Variants in TAFA4 observed in about 807,000 individuals in gnomAD.
TAFA4 encodes TAFA chemokine like family member 4.
Under a neutral mutation model 21.1 loss-of-function variants are expected in TAFA4, and 20 were observed. That is an observed-to-expected ratio of 0.95 (90% CI 0.67 to 1.38). TAFA4 has a LOEUF of 1.38. Among genes scored for constraint, TAFA4 ranks in the 40% most tolerant of loss-of-function variants. TAFA4 has a pLI of 0.00. For missense variants in TAFA4, 211 were observed against 180.9 expected (o/e 1.17, Z -0.95); for synonymous variants, 71 against 67.4 (o/e 1.05, Z -0.26).
intron 1 of TAFA4, among the ~76,000 whole-genome samples, chr3:68,905,261 C>T (rs1473206849): frequency 6.6e-6 from 1 of 150,682 alleles, no homozygotes; most frequent in Non-Finnish European, 1.5e-5. Context: ...CTCCTGCCTC[C>T]CAGGTTAAAG....
intron 3 of TAFA4, among the ~76,000 whole-genome samples, chr3:68,867,205 G>A (rs1224559657): frequency 1.3e-5 from 2 of 152,086 alleles, no homozygotes; most frequent in African/African-American, 4.8e-5. Flanking sequence ...CTAATAACAT[G>A]TTGAGGAGCT....
chr3:68,828,807 A>G (rs768745146), intron 3 of TAFA4, among the ~76,000 whole-genome samples: 9 of 152,290 alleles, frequency 5.9e-5, no homozygotes, highest in Admixed American at 3.9e-4. Context: ...TAAATATACA[A>G]TCGTGTCATG....
intron 3 of TAFA4, among the ~76,000 whole-genome samples, chr3:68,866,964 G>T (rs2089428513): frequency 6.6e-6 from 1 of 151,972 alleles, no homozygotes; most frequent in South Asian, 2.1e-4. Context: ...AGAATCACTG[G>T]TGTCTAAGAC....
chr3:68,837,860 AG>A (rs202104843), intron 3 of TAFA4, among the ~76,000 whole-genome samples: 3,127 of 151,992 alleles, frequency 0.021, 49 homozygotes, highest in South Asian at 0.036. Flanking sequence ...TTTTTAGTTC[AG>A]GATCTGTTTT....
At chr3:68,764,200 G>C (rs961797697) in intron 3 of TAFA4, among the ~76,000 whole-genome samples, 3 of 151,986 alleles carry the variant, frequency 2.0e-5, no homozygotes, top group Admixed American at 6.6e-5. Context: ...TGTCCTCAGG[G>C]GAAGAGACAT....
At chr3:68,814,449 G>A (rs1421440759) in intron 3 of TAFA4, among the ~76,000 whole-genome samples, 5 of 152,146 alleles carry the variant, frequency 3.3e-5, no homozygotes, top group Admixed American at 1.3e-4. Flanking sequence ...TCCTTAAGCT[G>A]ATAGGCAACT....
chr3:68,763,032 CT>C (rs956630270), intron 3 of TAFA4, among the ~76,000 whole-genome samples: 2 of 152,304 alleles, frequency 1.3e-5, no homozygotes, highest in African/African-American at 4.8e-5. Flanking sequence ...AGCGAGACTC[CT>C]TTTTTTCCTT....
intron 5 of TAFA4, among the ~76,000 whole-genome samples, chr3:68,737,531 A>C (rs1295493889): frequency 6.6e-6 from 1 of 152,200 alleles, no homozygotes; most frequent in African/African-American, 2.4e-5. Context: ...GTCTGGTTTT[A>C]CCTAGAGAAT....
chr3:68,820,385 T>G (rs575056856), intron 3 of TAFA4, among the ~76,000 whole-genome samples: 1 of 152,224 alleles, frequency 6.6e-6, no homozygotes, highest in Middle Eastern at 3.4e-3. Context: ...ATTACAGACT[T>G]AAAAATTGCT....
At chr3:68,757,300 C>T (rs1355810692) in intron 3 of TAFA4, among the ~76,000 whole-genome samples, 2 of 152,064 alleles carry the variant, frequency 1.3e-5, no homozygotes, top group Admixed American at 6.6e-5. Context: ...ATAAGGACAT[C>T]AGTCCTGTCA....
chr3:68,803,468 G>T (rs983120166), intron 3 of TAFA4, among the ~76,000 whole-genome samples: 5 of 152,078 alleles, frequency 3.3e-5, no homozygotes, highest in Non-Finnish European at 5.9e-5. Flanking sequence ...TTGTTCAAGG[G>T]ACATGATGAA....
intron 4 of TAFA4, among the ~76,000 whole-genome samples, chr3:68,747,924 T>C (rs1702489081): frequency 6.6e-6 from 1 of 152,164 alleles, no homozygotes; most frequent in Admixed American, 6.5e-5. Context: ...AAGCTACTTC[T>C]AGTTCCCGAG....
chr3:68,837,192 C>T (rs1704544554), intron 3 of TAFA4, among the ~76,000 whole-genome samples: 1 of 152,170 alleles, frequency 6.6e-6, no homozygotes, highest in South Asian at 2.1e-4. Flanking sequence ...TAAAATTTAC[C>T]AACTCTGGCT....
chr3:68,804,527 G>A (rs940273496), intron 3 of TAFA4, among the ~76,000 whole-genome samples: 2 of 152,130 alleles, frequency 1.3e-5, no homozygotes, highest in African/African-American at 4.8e-5. Context: ...GCTGGAGGCA[G>A]CATCACGCTA....
At chr3:68,831,166 T>C (rs1353901005) in intron 3 of TAFA4, among the ~76,000 whole-genome samples, 1 of 152,248 alleles carries the variant, frequency 6.6e-6, no homozygotes, top group African/African-American at 2.4e-5. Context: ...TGTCTTTTAA[T>C]TGGGGCCTTT....
intron 3 of TAFA4, among the ~76,000 whole-genome samples, chr3:68,869,806 G>A (rs577104498): frequency 6.6e-6 from 1 of 152,066 alleles, no homozygotes; most frequent in South Asian, 2.1e-4. Context: ...AATAAGACAA[G>A]GATGCACAAA....
At position 68,731,949 on chromosome 3, in the gene TAFA4, A is replaced by G. The variant is rs548957860; in HGVS notation, c.*1193T>C. The G allele has an allele frequency of 6.6e-6, 1 of 152,296 alleles. No individual in the cohort carries two copies. The highest frequency in any genetic ancestry group is 2.1e-4 in the South Asian group (1 of 4,826). 9.4% of individuals were successfully genotyped at this position (152,296 alleles called of 1,614,324 possible). On this transcript the variant is annotated 3_prime_UTR_variant, in exon 6 of 6. Coordinates refer to ENST00000295569, the MANE Select transcript of TAFA4 (RefSeq NM_182522.5). Reference sequence around the variant, plus strand: ...CTATAAATGTGAAAGGACAGGGATAATTAACTTGGTGCAGAAACTATGTTT... The same window carrying G: ...CTATAAATGTGAAAGGACAGGGATAGTTAACTTGGTGCAGAAACTATGTTT...
chr3:68,812,820 C>G lies in TAFA4; in HGVS notation c.131-59802G>C, dbSNP rs539494967. 2.0e-5 allele frequency among the ~76,000 whole-genome samples: 3 copies of G among 152,256 alleles called. No individual in the cohort carries two copies. In the East Asian group the frequency reaches 5.8e-4, roughly 29 times the overall value. ...GAATTGAACTCAGCTCTGCACCAAG[C>G]AGACCTAATAGACGTCTACAGAACT... On this transcript the variant is annotated intron_variant, in intron 3 of 5. Transcript: ENST00000295569.
chr3:68,745,243 G>C (rs1488100045), intron 4 of TAFA4, among the ~76,000 whole-genome samples: 2 of 152,184 alleles, frequency 1.3e-5, no homozygotes, highest in African/African-American at 4.8e-5. Flanking sequence ...CACTAGCAGG[G>C]ACAAAGGACT....
Sources: allele counts gnomAD v4.1 joint callset (sites outside exome capture counted in the v4.1 genomes callset), GRCh38; gene constraint gnomAD v4.1.1; transcripts MANE v1.5; gene names NCBI Gene and HGNC (gene_info 2026-07-23, HGNC 2026-07-21).